The following PTPRN2 variants were observed in gnomAD, a reference collection of about 807,000 sequenced individuals.
The protein encoded by PTPRN2 is protein tyrosine phosphatase receptor type N2.
A neutral mutation model predicts 118.8 loss-of-function variants in PTPRN2; 74 were observed. That is an observed-to-expected ratio of 0.62 (90% CI 0.52 to 0.76). The LOEUF is 0.76. Ranked by LOEUF, PTPRN2 falls within the 30% of genes least tolerant of loss-of-function variation. The pLI, the probability that PTPRN2 is intolerant of heterozygous loss-of-function variation, is 0.00. For synonymous variants in PTPRN2, 641 were observed against 608.0 expected, an observed-to-expected ratio of 1.05 and a Z score of -0.80; for missense variants, 1,481 against 1,394.4, an observed-to-expected ratio of 1.06 and a Z score of -0.99.
intron 2 of PTPRN2, among the ~76,000 whole-genome samples, chr7:158,380,343 A>G (rs1341441093): frequency 6.6e-6 from 1 of 152,234 alleles, no homozygotes; most frequent in Admixed American, 6.5e-5. Context: ...AGGCATAGGT[A>G]TTTGTTAAAT....
intron 2 of PTPRN2, among the ~76,000 whole-genome samples, chr7:158,319,411 C>CG (rs1258283646): frequency 1.3e-5 from 1 of 77,806 alleles, no homozygotes; most frequent in African/African-American, 6.5e-5. Context: ...CACACACACA[C>CG]AGCCTCCCAC....
intron 6 of PTPRN2, among the ~76,000 whole-genome samples, chr7:158,152,837 G>A (rs536329912): frequency 1.0e-4 from 15 of 148,382 alleles, no homozygotes; most frequent in African/African-American, 3.0e-4. Context: ...AGAGCAGACC[G>A]ACAGACACCA....
Position 158,053,838 on chromosome 7 carries a change from CCCAGAGACGCAGAGACT to C in PTPRN2, c.1723+27443_1723+27459del, listed in dbSNP as rs879743350. On this transcript the variant is annotated intron_variant, in intron 11 of 22. Transcript: ENST00000389418. ...GCAGAGACCCCAGAGATGCAGAGAC[CCCAGAGACGCAGAGACT>C]CCAGAGACGCAGAGACCCCAGAGAT... is the stretch of plus-strand genomic sequence containing the variant. Among the ~76,000 whole-genome samples, 347 of 141,934 alleles carry C rather than the reference CCCAGAGACGCAGAGACT, an allele frequency of 2.4e-3. 1 individual carries two copies. The highest frequency in any genetic ancestry group is 3.9e-3 in the Non-Finnish European group (257 of 65,078). The allele number at this position is 141,934 out of a possible 152,430, so 93.1% of individuals were successfully genotyped here. A position where few individuals can be genotyped will look rare whatever the true frequency, so the allele number is the denominator to read the frequency against.
intron 9 of PTPRN2, among the ~76,000 whole-genome samples, chr7:158,130,517 T>TAC (rs757199962): frequency 7.0e-6 from 1 of 142,404 alleles, no homozygotes; most frequent in Non-Finnish European, 1.5e-5. Flanking sequence ...CACACACTCA[T>TAC]ACACACACAC....
rs1823642070 is a variant in PTPRN2 at position 158,171,304 on chromosome 7, CACACATATATAT to C, written c.550-4025_550-4014del. Among the ~76,000 whole-genome samples the C allele has an allele frequency of 8.9e-4, 25 of 28,084 alleles. 1 individual carries two copies. The highest frequency in any genetic ancestry group is 1.6e-3 in the Admixed American group (3 of 1,856). The allele number at this position is 28,084 out of a possible 152,430, so 18.4% of individuals were successfully genotyped here. ...ACATATATATACACACATATATATA[CACACATATATAT>C]ATATATATATATATATATATATATA... On this transcript the variant is annotated intron_variant, in intron 5 of 22. Coordinates refer to ENST00000389418, the MANE Select transcript of PTPRN2 (RefSeq NM_002847.5).
At chr7:158,334,067 C>T (rs1805078390) in intron 2 of PTPRN2, among the ~76,000 whole-genome samples, 1 of 84,626 alleles carries the variant, frequency 1.2e-5, no homozygotes, top group African/African-American at 4.3e-5. Flanking sequence ...CCGCAGACGT[C>T]ACTCACACCC....
At chr7:158,444,683 C>G (rs1242330178) in intron 2 of PTPRN2, among the ~76,000 whole-genome samples, 1 of 152,230 alleles carries the variant, frequency 6.6e-6, no homozygotes, top group Non-Finnish European at 1.5e-5. Flanking sequence ...TGGCTGCGGC[C>G]TTTCCTGTGG....
chr7:158,161,946 C>T lies in PTPRN2; in HGVS notation c.910+4985G>A, dbSNP rs149830446. Among the ~76,000 whole-genome samples, 443 of 152,310 alleles carry T rather than the reference C, an allele frequency of 2.9e-3. 4 individuals carry two copies. The highest frequency in any genetic ancestry group is 0.017 in the Middle Eastern group (5 of 294). ...CCCAGAGACCACCACAGACACCTCA[C>T]CACAGAAGATACACAGATGAAAACA... On this transcript the variant is annotated intron_variant, in intron 6 of 22. Coordinates refer to ENST00000389418, the MANE Select transcript of PTPRN2 (RefSeq NM_002847.5).
At chr7:158,246,318 T>C (rs1367708682) in intron 3 of PTPRN2, among the ~76,000 whole-genome samples, 1 of 151,676 alleles carries the variant, frequency 6.6e-6, no homozygotes, top group Non-Finnish European at 1.5e-5. Flanking sequence ...GTGGGTCTCC[T>C]GGTGACCAAA....
intron 2 of PTPRN2, among the ~76,000 whole-genome samples, chr7:158,380,698 C>T (rs1392525012): frequency 6.6e-6 from 1 of 152,268 alleles, no homozygotes; most frequent in African/African-American, 2.4e-5. Context: ...GACAGTGCCC[C>T]AGTAGGGACT....
Position 158,574,271 on chromosome 7 carries a change from T to G in PTPRN2, c.112+13287A>C, listed in dbSNP as rs1163038105. On this transcript the variant is annotated intron_variant, in intron 1 of 22. Coordinates refer to ENST00000389418, the MANE Select transcript of PTPRN2 (RefSeq NM_002847.5). The surrounding 1 kb of genome is among the most constrained non-coding windows in gnomAD (Gnocchi z 4.6). ...TCTAAAATGTTATTAATCACATTAATAAAAATTTTAGTGAATACAAAGAAG... is the reference window on the plus strand; with the variant it reads ...TCTAAAATGTTATTAATCACATTAAGAAAAATTTTAGTGAATACAAAGAAG... 6.6e-6 allele frequency among the ~76,000 whole-genome samples: 1 copy of G among 152,262 alleles called. No homozygotes were observed. Among genetic ancestry groups the G allele is most frequent in the Non-Finnish European group, 1.5e-5 (1 of 68,040 alleles).
intron 2 of PTPRN2, among the ~76,000 whole-genome samples, chr7:158,435,855 G>A (rs1054007167): frequency 1.3e-5 from 2 of 152,162 alleles, no homozygotes; most frequent in African/African-American, 4.8e-5. Context: ...TCACTTAGAC[G>A]AGGCATCTAA....
chr7:158,369,004 T>C (rs2151311834), intron 2 of PTPRN2, among the ~76,000 whole-genome samples: 1 of 152,212 alleles, frequency 6.6e-6, no homozygotes, highest in South Asian at 2.1e-4. Flanking sequence ...AGACCCACCC[T>C]CAGTCTGGGT....
At chr7:158,396,765 C>G (rs1390689510) in intron 2 of PTPRN2, among the ~76,000 whole-genome samples, 1 of 152,234 alleles carries the variant, frequency 6.6e-6, no homozygotes, top group Non-Finnish European at 1.5e-5. Flanking sequence ...CCTGCACACA[C>G]CAGCGGTGAC....
chr7:158,259,843 T>A (rs148703549), intron 3 of PTPRN2, among the ~76,000 whole-genome samples: 17 of 150,848 alleles, frequency 1.1e-4, no homozygotes, highest in African/African-American at 4.2e-4. Context: ...AATGTGTTTG[T>A]GTGTCCATGT....
rs1213487193 is a variant in PTPRN2 at position 158,319,418 on chromosome 7, CCA to C, written c.164-2488_164-2487del. ...GCCTCCCACACACACACACAGCCTC[CCA>C]CACACACACACACACAGCCTCCCTC... On this transcript the variant is annotated intron_variant, in intron 2 of 22. Coordinates refer to ENST00000389418, the MANE Select transcript of PTPRN2 (RefSeq NM_002847.5). 1.9e-3 allele frequency among the ~76,000 whole-genome samples: 170 copies of C among 87,940 alleles called. 9 individuals are homozygous for C. In the Middle Eastern group the frequency reaches 0.033, roughly 17 times the overall value. The allele number at this position is 87,940 out of a possible 152,430, so 57.7% of individuals were successfully genotyped here.
chr7:157,978,586 C>A (rs1248179209), intron 11 of PTPRN2, among the ~76,000 whole-genome samples: 1 of 151,878 alleles, frequency 6.6e-6, no homozygotes, highest in Non-Finnish European at 1.5e-5. Flanking sequence ...TTTAACAAAC[C>A]CTTCAAAGTC....
At chr7:157,792,920 C>A (rs1258200659) in intron 12 of PTPRN2, among the ~76,000 whole-genome samples, 1 of 152,200 alleles carries the variant, frequency 6.6e-6, no homozygotes, top group African/African-American at 2.4e-5. Flanking sequence ...CTCCCAGGGC[C>A]GCGGGTGCCG....
chr7:157,844,928 G>A (rs1228590283), intron 12 of PTPRN2, among the ~76,000 whole-genome samples: 1 of 152,164 alleles, frequency 6.6e-6, no homozygotes, highest in African/African-American at 2.4e-5. Context: ...TATTTCAGGG[G>A]CGTTTTTCTT....
Sources: allele counts gnomAD v4.1 joint callset (sites outside exome capture counted in the v4.1 genomes callset), GRCh38; gene constraint gnomAD v4.1.1; non-coding constraint Gnocchi (gnomAD v3.1); transcripts MANE v1.5; gene names NCBI Gene and HGNC (gene_info 2026-07-23, HGNC 2026-07-21).